The following NBAS variants were observed in gnomAD, a reference collection of about 807,000 sequenced individuals.
NBAS encodes NBAS subunit of NRZ tethering complex.
A neutral mutation model predicts 302.5 loss-of-function variants in NBAS; 219 were observed. The observed-to-expected ratio is 0.72, with a 90% CI of 0.65 to 0.81. NBAS has a LOEUF of 0.81. Among genes scored for constraint, NBAS ranks in the 30% least tolerant of loss-of-function variants. The pLI is 0.00. For synonymous variants in NBAS, 1,118 were observed against 1,021.6 expected, an observed-to-expected ratio of 1.09 and a Z score of -1.80; for missense variants, 2,932 against 2,841.6, an observed-to-expected ratio of 1.03 and a Z score of -0.72.
chr2:15,096,981 A>G, the NBAS span, among the ~76,000 whole-genome samples: 1 of 152,212 alleles, frequency 6.6e-6, no homozygotes, highest in African/African-American at 2.4e-5. Context: ...GGGGAGCCCA[A>G]GAGACACCAA....
chr2:15,372,886 C>T (rs1008171953), intron 31 of NBAS, among the ~76,000 whole-genome samples: 1 of 152,124 alleles, frequency 6.6e-6, no homozygotes, highest in African/African-American at 2.4e-5. Context: ...AATCCAGTAG[C>T]ACTTGGGTGG....
At chr2:15,264,149 T>C (rs1200415047) in intron 44 of NBAS, among the ~76,000 whole-genome samples, 1 of 152,216 alleles carries the variant, frequency 6.6e-6, no homozygotes, top group African/African-American at 2.4e-5. Context: ...TGCAGAACCA[T>C]GAAGTTTGCC....
intron 51 of NBAS, among the ~76,000 whole-genome samples, chr2:15,175,486 G>A (rs1312428615): frequency 6.6e-6 from 1 of 152,170 alleles, no homozygotes; most frequent in East Asian, 1.9e-4. Context: ...CAAGTCAAGA[G>A]GCTTCCATCC....
chr2:15,541,992 G>A lies in NBAS; in HGVS notation c.380-2636C>T, dbSNP rs1242285448. Among the ~76,000 whole-genome samples, 42 of 78,852 alleles carry A rather than the reference G, an allele frequency of 5.3e-4. 12 individuals carry two copies. Among genetic ancestry groups the A allele is most frequent in the Non-Finnish European group, 1.1e-3 (36 of 33,280 alleles). 51.7% of individuals were successfully genotyped at this position (78,852 alleles called of 152,430 possible). ...CCCCGACCGGCCAGCCACCCCGTCCGGGAGGGAGGTGGGGGGGTTCAGCCC... is the reference window on the plus strand; with the variant it reads ...CCCCGACCGGCCAGCCACCCCGTCCAGGAGGGAGGTGGGGGGGTTCAGCCC... On this transcript the variant is annotated intron_variant, in intron 6 of 51. Transcript: ENST00000281513.
chr2:14,850,590 C>T, the NBAS span, among the ~76,000 whole-genome samples: 1 of 79,390 alleles, frequency 1.3e-5, no homozygotes, highest in Admixed American at 1.1e-4. Flanking sequence ...TAATAGACAT[C>T]TACAGAACTC....
At chr2:15,431,547 C>G (rs943101149) in intron 21 of NBAS, among the ~76,000 whole-genome samples, 8 of 151,802 alleles carry the variant, frequency 5.3e-5, no homozygotes, top group African/African-American at 1.9e-4. Context: ...TTAGCAGACT[C>G]AAAAAACTAT....
At chr2:14,870,264 G>A in the NBAS span, among the ~76,000 whole-genome samples, 1 of 152,294 alleles carries the variant, frequency 6.6e-6, no homozygotes, top group South Asian at 2.1e-4. Context: ...ACAGGACAGT[G>A]TACTCAAAAG....
chr2:15,158,385 C>T, the NBAS span, among the ~76,000 whole-genome samples: 16 of 152,182 alleles, frequency 1.1e-4, no homozygotes, highest in Non-Finnish European at 1.5e-4. Flanking sequence ...CCTCCTAATG[C>T]CAGCAGACAC....
intron 32 of NBAS, among the ~76,000 whole-genome samples, chr2:15,363,338 T>A (rs1361753117): frequency 6.6e-6 from 1 of 152,230 alleles, no homozygotes; most frequent in East Asian, 1.9e-4. Flanking sequence ...TCTAAACTAC[T>A]CAGTCTCTTT....
chr2:15,150,976 G>C, the NBAS span, among the ~76,000 whole-genome samples: 3 of 141,942 alleles, frequency 2.1e-5, no homozygotes, highest in Non-Finnish European at 4.7e-5. Context: ...AATTGAGTAA[G>C]AAAACAAAAA....
the NBAS span, among the ~76,000 whole-genome samples, chr2:14,906,748 T>C: frequency 6.6e-6 from 1 of 152,196 alleles, no homozygotes; most frequent in African/African-American, 2.4e-5. Flanking sequence ...CCGATTTTTC[T>C]GATGTTGCGA....
intron 6 of NBAS, 74 bp from the exon 7 acceptor site, chr2:15,539,430 C>G: frequency 6.5e-7 from 1 of 1,533,898 alleles, no homozygotes. Flanking sequence ...GTAACTGCAA[C>G]TAAAGTAAGT....
intron 38 of NBAS, among the ~76,000 whole-genome samples, chr2:15,311,512 C>G (rs1671275064): frequency 6.6e-6 from 1 of 152,142 alleles, no homozygotes; most frequent in Non-Finnish European, 1.5e-5. Context: ...CAATAACAAC[C>G]ACAGTGCAAC....
chr2:15,056,946 A>G, the NBAS span, among the ~76,000 whole-genome samples: 1 of 150,052 alleles, frequency 6.7e-6, no homozygotes, highest in Admixed American at 6.7e-5. Flanking sequence ...CTCCCACCTC[A>G]GCCTCCAGAG....
chr2:15,168,963 C>T (rs753020655), intron 51 of NBAS, among the ~76,000 whole-genome samples: 4 of 152,196 alleles, frequency 2.6e-5, no homozygotes, highest in African/African-American at 7.2e-5. Flanking sequence ...TCTCCCTTAC[C>T]GACTGGGAAA....
At position 15,369,804 on chromosome 2, in the gene NBAS, A is replaced by G. The variant is rs62119536; in HGVS notation, c.3704-3111T>C. 8.8e-3 allele frequency among the ~76,000 whole-genome samples: 1,341 copies of G among 152,304 alleles called. 10 individuals are homozygous for G. Among genetic ancestry groups the G allele is most frequent in the Non-Finnish European group, 0.013 (871 of 68,030 alleles). ...AAATGATTTTTCAAAAACCTATTAT[A>G]AAACACACGTATACACACACACACA... On this transcript the variant is annotated intron_variant, in intron 31 of 51. Transcript: ENST00000281513.
intron 21 of NBAS, among the ~76,000 whole-genome samples, chr2:15,441,319 T>C (rs974614957): frequency 6.6e-6 from 1 of 152,068 alleles, no homozygotes; most frequent in Admixed American, 6.5e-5. Flanking sequence ...CGGCAGAAAC[T>C]CTACAAACCA....
the NBAS span, among the ~76,000 whole-genome samples, chr2:14,931,561 A>G: frequency 1.3e-5 from 2 of 152,256 alleles, no homozygotes; most frequent in Admixed American, 1.3e-4. Flanking sequence ...GTCACAATTC[A>G]GAGCAGTTTT....
intron 27 of NBAS, among the ~76,000 whole-genome samples, chr2:15,394,860 C>G (rs1675792810): frequency 6.6e-6 from 1 of 152,090 alleles, no homozygotes; most frequent in Admixed American, 6.6e-5. Context: ...TCATAAGAAT[C>G]TTCTTGAGAT....
Sources: gnomAD v4.1 joint callset for allele counts (sites outside exome capture counted in the v4.1 genomes callset) on GRCh38, gnomAD v4.1.1 for gene constraint, MANE v1.5 for transcripts, NCBI Gene and HGNC (gene_info 2026-07-23, HGNC 2026-07-21) for gene names.